GRIP2: variants seen among roughly 807,000 people sequenced by gnomAD.
The protein encoded by GRIP2 is glutamate receptor-interacting protein 2.
A neutral mutation model predicts 108.3 loss-of-function variants in GRIP2; 58 were observed. That is an observed-to-expected ratio of 0.54 (90% CI 0.43 to 0.67). The LOEUF (loss-of-function observed/expected upper bound fraction) is 0.67. Ranked by LOEUF, GRIP2 falls within the 30% of genes least tolerant of loss-of-function variation. The pLI, the probability that GRIP2 is intolerant of heterozygous loss-of-function variation, is 0.00. For synonymous variants in GRIP2, 586 were observed against 598.2 expected, an observed-to-expected ratio of 0.98 and a Z score of 0.30; for missense variants, 1,278 against 1,430.6, an observed-to-expected ratio of 0.89 and a Z score of 1.72.
the GRIP2 span, among the ~76,000 whole-genome samples, chr3:14,602,766 A>AC: frequency 1.3e-5 from 2 of 150,232 alleles, no homozygotes; most frequent in South Asian, 4.2e-4. The surrounding 1 kb of genome is among the most constrained non-coding windows in gnomAD (Gnocchi z 4.7). Context: ...CCACTTTGGG[A>AC]CCCCCTCCTG....
intron 21 of GRIP2, among the ~76,000 whole-genome samples, chr3:14,497,048 G>A (rs1574987321): frequency 2.0e-5 from 3 of 149,012 alleles, no homozygotes; most frequent in African/African-American, 5.0e-5. Context: ...CGCAACCTCC[G>A]CCTCACAGGT....
chr3:14,595,285 C>T, the GRIP2 span, among the ~76,000 whole-genome samples: 1 of 152,132 alleles, frequency 6.6e-6, no homozygotes, highest in Non-Finnish European at 1.5e-5. Flanking sequence ...GCCTCAACCT[C>T]CCAAAGCGCT....
At chr3:14,600,482 G>A in the GRIP2 span, among the ~76,000 whole-genome samples, 2 of 152,238 alleles carry the variant, frequency 1.3e-5, no homozygotes, top group African/African-American at 2.4e-5. Flanking sequence ...TGGTCTTCAA[G>A]CCCACTCCTC....
chr3:14,578,592 C>T, the GRIP2 span, among the ~76,000 whole-genome samples: 20 of 152,168 alleles, frequency 1.3e-4, no homozygotes, highest in African/African-American at 3.9e-4. Flanking sequence ...TGGCAGGGAC[C>T]TGTAATCCCA....
the GRIP2 span, among the ~76,000 whole-genome samples, chr3:14,569,671 G>A: frequency 1.1e-4 from 17 of 152,258 alleles, no homozygotes; most frequent in South Asian, 4.1e-4. Context: ...ACATGCCAGC[G>A]CCGCTTCCTC....
the GRIP2 span, among the ~76,000 whole-genome samples, chr3:14,599,679 C>CTGTGTGTGTGTGTGTGTG: frequency 2.1e-4 from 22 of 107,074 alleles, no homozygotes; most frequent in African/African-American, 7.8e-4. Flanking sequence ...CTCTCTCTCT[C>CTGTGTGTGTGTGTGTGTG]TCTCTCTGTG....
At position 14,524,436 on chromosome 3, in the gene GRIP2, G is replaced by A. The variant is rs769783401; in HGVS notation, c.360C>T (p.Gly120=). 1.8e-5 allele frequency: 29 copies of A among 1,606,826 alleles called. No individual in the cohort carries two copies. The highest frequency in any genetic ancestry group is 2.4e-5 in the Non-Finnish European group (28 of 1,177,024). The part of the protein sequence containing the change: ...DEIITLLKNV[G]ERVVLEVEYE... ...ACTCCACCTCCAGCACCACGCGCTC[G>A]CCCACATTCTTGAGCAGGGTGATGA... The change falls in exon 4 of 24, where the codon GGC becomes GGT. Residue 120 remains glycine (G), a synonymous_variant. Transcript: ENST00000621039.
In GRIP2 at chr3:14,491,476, G is replaced by A. The variant is rs1156656775; in HGVS notation, c.*2189C>T. On this transcript the variant is annotated 3_prime_UTR_variant, in exon 24 of 24. Transcript: ENST00000621039. ...CAGGCAGGGCGCTCACTGGGGAAAG[G>A]TGTCAGGAAATTTCAAGTCGGGGAT... 6.6e-6 allele frequency: 1 copy of A among 152,254 alleles called. No individual in the cohort carries two copies. The highest frequency in any genetic ancestry group is 1.5e-5 in the Non-Finnish European group (1 of 68,070). 9.4% of individuals were successfully genotyped at this position (152,254 alleles called of 1,614,324 possible). A position where few individuals can be genotyped will look rare whatever the true frequency, so the allele number is the denominator to read the frequency against.
rs771411879 is a variant in GRIP2, at chr3:14,517,908, C to T, written c.1031-11G>A. 20 of 1,533,828 alleles carry T rather than the reference C, an allele frequency of 1.3e-5. No homozygotes were observed. In the East Asian group the frequency reaches 3.5e-4, roughly 27 times the overall value. On this transcript the variant is annotated splice_polypyrimidine_tract_variant and intron_variant, in intron 9 of 23. Coordinates refer to ENST00000621039, the MANE Select transcript of GRIP2 (RefSeq NM_001080423.4). ...TCCTCTGCACTTTCACTGTAGCCAG[C>T]GGAGAAAGAGGAAAGAGAGGTGCAG...
At chr3:14,564,923 A>G in the GRIP2 span, among the ~76,000 whole-genome samples, 2 of 152,016 alleles carry the variant, frequency 1.3e-5, no homozygotes, top group African/African-American at 2.4e-5. Context: ...TATTCTAAAC[A>G]CAGACGCGCC....
chr3:14,543,322 T>C (rs188225024), upstream of GRIP2, among the ~76,000 whole-genome samples: 549 of 152,358 alleles, frequency 3.6e-3, 2 homozygotes, highest in African/African-American at 0.012. Flanking sequence ...CCTCAGGTGA[T>C]GCATATGAAG....
chr3:14,505,890 C>T lies in GRIP2; in HGVS notation c.2399-101G>A. 8.8e-7 allele frequency: 1 copy of T among 1,135,858 alleles called. No homozygotes were observed. The allele number at this position is 1,135,858 out of a possible 1,614,324, so 70.4% of individuals were successfully genotyped here. ...CTGAGTGACCCTGGGGAGGTCGTTG[C>T]TCCTCTCTGGGCCTGCATCTACACA... is the stretch of plus-strand genomic sequence containing the variant. On this transcript the variant is annotated intron_variant, in intron 19 of 23. Coordinates refer to ENST00000621039, the MANE Select transcript of GRIP2 (RefSeq NM_001080423.4). The surrounding 1 kb of genome is among the most constrained non-coding windows in gnomAD (Gnocchi z 4.2).
the GRIP2 span, among the ~76,000 whole-genome samples, chr3:14,592,768 G>A: frequency 6.6e-6 from 1 of 152,142 alleles, no homozygotes; most frequent in African/African-American, 2.4e-5. Context: ...CTAGTGTCTT[G>A]CTTGACCCTG....
chr3:14,520,573 T>C, intron 7 of GRIP2, 36 bp from the exon 8 acceptor site: 1 of 1,610,808 alleles, frequency 6.2e-7, no homozygotes, highest in Non-Finnish European at 8.5e-7. Flanking sequence ...GAAATGCAAA[T>C]ACCGAGCACT....
the GRIP2 span, among the ~76,000 whole-genome samples, chr3:14,564,866 G>A: frequency 1.3e-5 from 2 of 152,188 alleles, no homozygotes; most frequent in East Asian, 3.9e-4. Context: ...AGCCGAGTGG[G>A]AATCTGAATC....
chr3:14,490,362 C>A lies in GRIP2; in HGVS notation c.*3303G>T. On this transcript the variant is annotated 3_prime_UTR_variant, in exon 24 of 24. Coordinates refer to ENST00000621039, the MANE Select transcript of GRIP2 (RefSeq NM_001080423.4). ...GGCCTTCCCCCTGCCTACACCACTC[C>A]CAAGACAGAGTACTCGCTTCCTGGA... 1 of 152,724 alleles carries A rather than the reference C, an allele frequency of 6.5e-6. No homozygotes were observed. The allele number at this position is 152,724 out of a possible 1,614,324, so 9.5% of individuals were successfully genotyped here. A position where few individuals can be genotyped will look rare whatever the true frequency, so the allele number is the denominator to read the frequency against.
the GRIP2 span, among the ~76,000 whole-genome samples, chr3:14,572,335 C>T: frequency 4.6e-5 from 7 of 151,926 alleles, no homozygotes; most frequent in Non-Finnish European, 8.8e-5. Context: ...CAAGCTAGGC[C>T]GGGCGTGGTG....
chr3:14,573,283 G>T, the GRIP2 span: 1 of 1,417,542 alleles, frequency 7.1e-7, no homozygotes, highest in Non-Finnish European at 9.9e-7. Context: ...GCTCGGTACA[G>T]CAGGAAGATG....
At chr3:14,523,827 C>T (rs1694478353) in intron 4 of GRIP2, 129 bp from the exon 5 acceptor site, 2 of 681,386 alleles carry the variant, frequency 2.9e-6, no homozygotes, top group Non-Finnish European at 5.2e-6. Flanking sequence ...AACCCTTGCC[C>T]ATTTTACAGG....
Sources: gnomAD v4.1 joint callset for allele counts (sites outside exome capture counted in the v4.1 genomes callset) on GRCh38, gnomAD v4.1.1 for gene constraint, Gnocchi (gnomAD v3.1) non-coding constraint, MANE v1.5 for transcripts, NCBI Gene and HGNC (gene_info 2026-07-23, HGNC 2026-07-21) for gene names.